Variants in USP32 observed in about 807,000 individuals in gnomAD.
USP32 encodes the protein ubiquitin carboxyl-terminal hydrolase 32.
In USP32, 59 loss-of-function variants were observed where a neutral mutation model predicts 204.8. That is an observed-to-expected ratio of 0.29 (90% confidence interval 0.23 to 0.36). The LOEUF is 0.36. Ranked by LOEUF, USP32 falls within the 10% of genes least tolerant of loss-of-function variation. The pLI is 1.00. For missense variants in USP32, 1,160 were observed against 1,946.4 expected (o/e 0.60, Z 7.60); for synonymous variants, 517 against 678.4 (o/e 0.76, Z 3.70).
chr17:60,252,240 C>A, intron 11 of USP32, 141 bp downstream of exon 11: 1 of 704,062 alleles, frequency 1.4e-6, no homozygotes. Flanking sequence ...TAGGAAGGTA[C>A]TTTAACAAAA....
chr17:60,280,401 C>T (rs2086941744), intron 5 of USP32, among the ~76,000 whole-genome samples: 1 of 152,158 alleles, frequency 6.6e-6, no homozygotes, highest in Non-Finnish European at 1.5e-5. Flanking sequence ...CTGGCCAAAT[C>T]AAGTAAGTTA....
rs746573411 is a variant in USP32 at position 60,271,376 on chromosome 17, G to A, written c.677C>T (p.Pro226Leu). Residue 226 changes from proline (P) to leucine (L), a missense_variant, in exon 6 of 34, where the codon CCA becomes CTA. This residue lies in a region of USP32 where 536 missense variants were observed against 680.9 expected (regional missense o/e 0.79). Transcript: ENST00000300896. The stretch of plus-strand genomic sequence containing the variant: ...TTCACTTAGAGATGGACGAATAGGT[G>A]GTGAAACCAATGGGCCAAATGTCTC... ...DLETFGPLVSPPIRPSLSEGL... is the reference protein window; with the variant it reads ...DLETFGPLVSLPIRPSLSEGL... The A allele has an allele frequency of 5.0e-6, 8 of 1,614,044 alleles. No homozygotes were observed. The highest frequency in any genetic ancestry group is 1.3e-5 in the African/African-American group (1 of 75,038).
At chr17:60,396,733 C>T (rs1288537690), upstream of USP32, among the ~76,000 whole-genome samples, 1 of 152,156 alleles carries the variant, frequency 6.6e-6, no homozygotes, top group Non-Finnish European at 1.5e-5. Flanking sequence ...GGAAAGAAAA[C>T]ATTAAGATAA....
chr17:60,345,160 T>A (rs892775040), intron 2 of USP32, among the ~76,000 whole-genome samples: 1 of 152,202 alleles, frequency 6.6e-6, no homozygotes. Context: ...AAAACATATT[T>A]GCAACATAAA....
At chr17:60,196,362 G>A (rs937268493) in intron 27 of USP32, among the ~76,000 whole-genome samples, 66 of 151,424 alleles carry the variant, frequency 4.4e-4, no homozygotes, top group African/African-American at 1.5e-3. Flanking sequence ...AAAAGCCCTC[G>A]TCTAGAAGCT....
chr17:60,384,385 T>G (rs2089694236), intron 1 of USP32, among the ~76,000 whole-genome samples: 1 of 152,206 alleles, frequency 6.6e-6, no homozygotes, highest in South Asian at 2.1e-4. Context: ...AAAATCCCAC[T>G]TTAGCATAGT....
chr17:60,332,744 A>T (rs377061902), intron 2 of USP32, among the ~76,000 whole-genome samples: 160 of 152,302 alleles, frequency 1.1e-3, no homozygotes, highest in Non-Finnish European at 1.2e-3. Flanking sequence ...TTCCTTTCAC[A>T]ATAGATTAGT....
intron 3 of USP32, among the ~76,000 whole-genome samples, chr17:60,297,719 G>A (rs1034618011): frequency 2.3e-4 from 35 of 152,114 alleles, no homozygotes; most frequent in Admixed American, 6.6e-5. Context: ...GGGATTACAG[G>A]TGTGAGCCAT....
At chr17:60,385,704 T>C (rs978263880) in intron 1 of USP32, among the ~76,000 whole-genome samples, 2 of 151,514 alleles carry the variant, frequency 1.3e-5, no homozygotes, top group Non-Finnish European at 2.9e-5. Context: ...GAGCCGGGCA[T>C]GGTGGTGGGT....
At chr17:60,278,236 T>G (rs2086885682) in intron 5 of USP32, among the ~76,000 whole-genome samples, 1 of 152,106 alleles carries the variant, frequency 6.6e-6, no homozygotes, top group African/African-American at 2.4e-5. Flanking sequence ...CACATCATAT[T>G]CTGGAAACAT....
chr17:60,199,032 C>T (rs1222969791), intron 26 of USP32, among the ~76,000 whole-genome samples: 1 of 151,878 alleles, frequency 6.6e-6, no homozygotes, highest in Non-Finnish European at 1.5e-5. Context: ...GGGAGGATTG[C>T]CTGAGTCTGG....
At chr17:60,199,814 T>TA (rs1270012648) in intron 26 of USP32, among the ~76,000 whole-genome samples, 1 of 152,188 alleles carries the variant, frequency 6.6e-6, no homozygotes, top group Non-Finnish European at 1.5e-5. Flanking sequence ...ATCCTCTCAT[T>TA]AAGGAACTTC....
intron 7 of USP32, among the ~76,000 whole-genome samples, chr17:60,267,526 CTT>C (rs58180123): frequency 0.022 from 3,290 of 149,680 alleles, 139 homozygotes; most frequent in African/African-American, 0.076. Context: ...AATTTTAACT[CTT>C]TTTTTTTTCT....
intron 2 of USP32, among the ~76,000 whole-genome samples, chr17:60,328,703 A>G (rs1319626109): frequency 2.0e-5 from 3 of 152,236 alleles, no homozygotes; most frequent in Admixed American, 6.5e-5. Context: ...AGCCAGGGCT[A>G]TGAGTCCCTC....
chr17:60,392,170 C>T, upstream of USP32: 1 of 551,208 alleles, frequency 1.8e-6, no homozygotes, highest in Non-Finnish European at 3.2e-6. Context: ...CTGCCTCCTA[C>T]TCCGCCCTTC....
chr17:60,208,313 T>C (rs2084881436), intron 23 of USP32, 103 bp from the exon 24 acceptor site: 1 of 1,134,438 alleles, frequency 8.8e-7, no homozygotes, highest in East Asian at 2.9e-5. Context: ...ATAGCAAATA[T>C]TTCAGCCTAG....
At chr17:60,384,964 C>T (rs535033507) in intron 1 of USP32, among the ~76,000 whole-genome samples, 5 of 152,276 alleles carry the variant, frequency 3.3e-5, no homozygotes, top group African/African-American at 4.8e-5. Context: ...CAAAAATTAG[C>T]CAGGTGTTGT....
chr17:60,334,190 A>T (rs574394230), intron 2 of USP32, among the ~76,000 whole-genome samples: 1 of 152,270 alleles, frequency 6.6e-6, no homozygotes, highest in South Asian at 2.1e-4. Flanking sequence ...TATAATATAT[A>T]TTACAGTTAA....
chr17:60,308,665 T>C (rs2087785248), intron 2 of USP32, among the ~76,000 whole-genome samples: 1 of 152,208 alleles, frequency 6.6e-6, no homozygotes, highest in African/African-American at 2.4e-5. Flanking sequence ...CGGTGGCTCA[T>C]GTCTGGAATC....
Sources: gnomAD v4.1 joint callset for allele counts (sites outside exome capture counted in the v4.1 genomes callset) on GRCh38, gnomAD v4.1.1 for gene constraint, gnomAD v4.1.1 regional missense constraint, MANE v1.5 for transcripts, NCBI Gene and HGNC (gene_info 2026-07-23, HGNC 2026-07-21) for gene names.